DGKI: variants seen among roughly 807,000 people sequenced by gnomAD.
DGKI encodes the protein diacylglycerol kinase iota.
Under a neutral mutation model 147.5 loss-of-function variants are expected in DGKI, and 55 were observed. The ratio of observed to expected loss-of-function variants is 0.37; its 90% CI spans 0.30 to 0.47. DGKI has a LOEUF of 0.47. DGKI is among the 20% of genes least tolerant of loss of function. The pLI is 1.00. For missense variants in DGKI, 1,007 were observed against 1,323.8 expected (o/e 0.76, Z 3.71); for synonymous variants, 469 against 477.1 (o/e 0.98, Z 0.22).
intron 3 of DGKI, among the ~76,000 whole-genome samples, chr7:137,668,181 T>C (rs902308766): frequency 1.3e-5 from 2 of 152,226 alleles, no homozygotes; most frequent in African/African-American, 4.8e-5. Flanking sequence ...TTTAACGTGA[T>C]TGCTTCATAT....
At chr7:137,426,034 A>C (rs1380163512) in intron 28 of DGKI, among the ~76,000 whole-genome samples, 2 of 152,206 alleles carry the variant, frequency 1.3e-5, no homozygotes, top group African/African-American at 2.4e-5. Flanking sequence ...ATTCAGACTC[A>C]GGAAATACAG....
intron 3 of DGKI, among the ~76,000 whole-genome samples, chr7:137,674,686 G>A (rs1020114528): frequency 2.0e-5 from 3 of 152,070 alleles, no homozygotes; most frequent in Non-Finnish European, 1.5e-5. Context: ...CACCTCGTTT[G>A]TACAGAGCTT....
intron 1 of DGKI, among the ~76,000 whole-genome samples, chr7:137,757,754 G>A (rs2113426): frequency 0.36 from 54,877 of 152,042 alleles, 10,138 homozygotes; most frequent in Middle Eastern, 0.46. Context: ...ATGCCAAGCC[G>A]GTTCCCCAAG....
intron 29 of DGKI, among the ~76,000 whole-genome samples, chr7:137,409,879 T>A (rs1812097224): frequency 6.6e-6 from 1 of 151,660 alleles, no homozygotes; most frequent in Non-Finnish European, 1.5e-5. Flanking sequence ...TATCTCTCGC[T>A]CTCTTTGTCT....
At chr7:137,570,536 A>G in intron 19 of DGKI, among the ~76,000 whole-genome samples, 1 of 152,188 alleles carries the variant, frequency 6.6e-6, no homozygotes, top group Non-Finnish European at 1.5e-5. Context: ...TCAGTGAACC[A>G]AAAAAGTATA....
At chr7:137,691,803 T>TTTTTTTGTTTGTTTTTTG (rs1203911342) in intron 1 of DGKI, among the ~76,000 whole-genome samples, 11 of 120,590 alleles carry the variant, frequency 9.1e-5, no homozygotes, top group African/African-American at 6.2e-4. Context: ...TTTGGGTTTT[T>TTTTTTTGTTTGTTTTTTG]TTTTTTTTTT....
At chr7:137,405,462 A>C (rs1374832474) in intron 30 of DGKI, among the ~76,000 whole-genome samples, 1 of 152,198 alleles carries the variant, frequency 6.6e-6, no homozygotes, top group Non-Finnish European at 1.5e-5. Flanking sequence ...AGTCAAATAG[A>C]AAAACGAAGC....
At chr7:137,616,655 A>G (rs1054775781) in intron 8 of DGKI, among the ~76,000 whole-genome samples, 5 of 152,306 alleles carry the variant, frequency 3.3e-5, no homozygotes, top group African/African-American at 1.2e-4. Context: ...AGATGAAACA[A>G]TATAAACATA....
At position 137,462,639 on chromosome 7, in the gene DGKI, T is replaced by A. The variant is rs111788228; in HGVS notation, c.2735+850A>T. Among the ~76,000 whole-genome samples the A allele has an allele frequency of 7.5e-4, 115 of 152,332 alleles. 1 individual carries two copies. Among genetic ancestry groups the A allele is most frequent in the African/African-American group, 2.0e-3 (82 of 41,580 alleles). On this transcript the variant is annotated intron_variant, in intron 27 of 32. Transcript: ENST00000614521. ...CCCTAGGATTCGAAGAATCTTCAGT[T>A]ATCTTGTTATTCTGTCAAAAGACTA...
At chr7:137,613,998 A>G (rs1460586603) in intron 8 of DGKI, among the ~76,000 whole-genome samples, 1 of 152,178 alleles carries the variant, frequency 6.6e-6, no homozygotes, top group African/African-American at 2.4e-5. Context: ...ATCATTTTAA[A>G]TGCTGGTGAA....
At chr7:137,780,369 T>C (rs960818050) in intron 1 of DGKI, among the ~76,000 whole-genome samples, 5 of 152,214 alleles carry the variant, frequency 3.3e-5, no homozygotes, top group African/African-American at 1.2e-4. Context: ...CTATCAGATA[T>C]ATGGATCTGC....
In DGKI at chr7:137,386,842, T is replaced by C. The variant is rs1001156848; in HGVS notation, c.*4378A>G. 8.5e-5 allele frequency: 13 copies of C among 152,196 alleles called. No homozygotes were observed. Among genetic ancestry groups the C allele is most frequent in the African/African-American group, 2.9e-4 (12 of 41,448 alleles). The allele number at this position is 152,196 out of a possible 1,614,324, so 9.4% of individuals were successfully genotyped here. On this transcript the variant is annotated 3_prime_UTR_variant, in exon 33 of 33. Coordinates refer to ENST00000614521, the MANE Select transcript of DGKI (RefSeq NM_001321708.2). ...TAAGATGCAGGCAGAAGCCATTTTA[T>C]ATTAAATAAGTGTTAAAGATTAATC...
chr7:137,769,906 C>G (rs1424630192), intron 1 of DGKI, among the ~76,000 whole-genome samples: 3 of 152,162 alleles, frequency 2.0e-5, no homozygotes, highest in African/African-American at 7.2e-5. Context: ...ATTGTGGAAG[C>G]CAGTGTGGCG....
chr7:137,458,669 A>C (rs2128923519), intron 27 of DGKI, among the ~76,000 whole-genome samples: 1 of 152,192 alleles, frequency 6.6e-6, no homozygotes, highest in Admixed American at 6.5e-5. Context: ...TTCCATGCCT[A>C]TTTTCTTTTC....
intron 2 of DGKI, among the ~76,000 whole-genome samples, chr7:137,685,281 A>T (rs1823377607): frequency 6.6e-6 from 1 of 152,194 alleles, no homozygotes; most frequent in Non-Finnish European, 1.5e-5. Context: ...AAATAAAATC[A>T]AGGGTGCTGG....
chr7:137,741,535 G>T (rs1795172687), intron 1 of DGKI, among the ~76,000 whole-genome samples: 1 of 152,170 alleles, frequency 6.6e-6, no homozygotes, highest in South Asian at 2.1e-4. Context: ...GATCACAGAG[G>T]TTATGGTTTC....
chr7:137,567,875 A>T (rs1036704353), intron 19 of DGKI, among the ~76,000 whole-genome samples: 6 of 152,200 alleles, frequency 3.9e-5, no homozygotes, highest in African/African-American at 1.2e-4. Flanking sequence ...TATGCATATG[A>T]TGTATATATG....
intron 32 of DGKI, among the ~76,000 whole-genome samples, chr7:137,394,132 G>A (rs1472215413): frequency 3.9e-5 from 6 of 152,086 alleles, no homozygotes; most frequent in Non-Finnish European, 7.3e-5. Flanking sequence ...GGAGTCTACC[G>A]AGAGTGTTCT....
chr7:137,531,753 G>C (rs567001243), intron 20 of DGKI, among the ~76,000 whole-genome samples: 1 of 152,044 alleles, frequency 6.6e-6, no homozygotes, highest in African/African-American at 2.4e-5. Context: ...ATTCACTTTC[G>C]TTGCTAAAAA....
Sources: gnomAD v4.1 joint callset for allele counts (sites outside exome capture counted in the v4.1 genomes callset) on GRCh38, gnomAD v4.1.1 for gene constraint, MANE v1.5 for transcripts, NCBI Gene and HGNC (gene_info 2026-07-23, HGNC 2026-07-21) for gene names.